The following DRC9 variants were observed in gnomAD, a reference collection of about 807,000 sequenced individuals.
DRC9 encodes the protein dynein regulatory complex protein 9.
chr3:197,896,995 T>C, the DRC9 span, among the ~76,000 whole-genome samples: 2 of 152,200 alleles, frequency 1.3e-5, no homozygotes, highest in South Asian at 4.1e-4. Flanking sequence ...AACCGAACCA[T>C]GTCAGATGGT....
At chr3:197,926,215 G>A in the DRC9 span, 2 of 660,996 alleles carry the variant, frequency 3.0e-6, no homozygotes, top group Non-Finnish European at 5.5e-6. Context: ...TTCCCCCAGA[G>A]AATCTGACTC....
At chr3:197,922,809 A>G in the DRC9 span, among the ~76,000 whole-genome samples, 1 of 151,896 alleles carries the variant, frequency 6.6e-6, no homozygotes, top group African/African-American at 2.4e-5. Context: ...CAAAAGATTC[A>G]TGACTTTTAA....
At chr3:197,894,802 G>A in the DRC9 span, among the ~76,000 whole-genome samples, 3 of 152,208 alleles carry the variant, frequency 2.0e-5, no homozygotes, top group Non-Finnish European at 4.4e-5. Flanking sequence ...GGTGGCTTGT[G>A]CCTGTAATCC....
chr3:197,932,370 C>T, the DRC9 span: 6 of 1,345,764 alleles, frequency 4.5e-6, no homozygotes, highest in Non-Finnish European at 4.2e-6. Flanking sequence ...CATGGTGGCT[C>T]ACCCCTGTAA....
At chr3:197,929,466 C>T in the DRC9 span, among the ~76,000 whole-genome samples, 1 of 152,084 alleles carries the variant, frequency 6.6e-6, no homozygotes, top group South Asian at 2.1e-4. This position sits in a 1 kb window ranked among gnomAD's most constrained non-coding sequence, Gnocchi z 4.6. Context: ...ACACAATTCC[C>T]CTAACATTAA....
the DRC9 span, chr3:197,906,800 G>A: frequency 6.6e-6 from 1 of 152,230 alleles, no homozygotes; most frequent in Non-Finnish European, 1.5e-5. Context: ...GGGGCCCTGG[G>A]GCTGTGAACT....
At chr3:197,904,053 CAT>C in the DRC9 span, among the ~76,000 whole-genome samples, 557 of 91,882 alleles carry the variant, frequency 6.1e-3, 2 homozygotes, top group Non-Finnish European at 8.9e-3. Flanking sequence ...TATATACATA[CAT>C]ATATATATAT....
the DRC9 span, among the ~76,000 whole-genome samples, chr3:197,926,706 C>T: frequency 6.6e-6 from 1 of 152,074 alleles, no homozygotes; most frequent in East Asian, 1.9e-4. Flanking sequence ...TGGCAGGAAT[C>T]ACATGGGATG....
At chr3:197,903,340 T>C in the DRC9 span, among the ~76,000 whole-genome samples, 3 of 152,154 alleles carry the variant, frequency 2.0e-5, no homozygotes, top group African/African-American at 4.8e-5. Flanking sequence ...AAATGGATCA[T>C]ATCAAGTTAA....
At chr3:197,950,004 C>A in the DRC9 span, 1 of 686,042 alleles carries the variant, frequency 1.5e-6, no homozygotes, top group Non-Finnish European at 2.0e-6. Flanking sequence ...CCAAGTAGTA[C>A]ATTTTGCAGC....
At chr3:197,889,376 G>A in the DRC9 span, 3 of 608,930 alleles carry the variant, frequency 4.9e-6, no homozygotes, top group East Asian at 8.2e-5. Context: ...CTAAGTCAAT[G>A]GTGTAATCCT....
chr3:197,891,475 C>T, the DRC9 span: 1 of 1,600,864 alleles, frequency 6.2e-7, no homozygotes, highest in Admixed American at 1.7e-5. Flanking sequence ...TCCAAGAGAT[C>T]CTGTTTTACC....
At chr3:197,950,937 C>T in the DRC9 span, 16 of 1,613,862 alleles carry the variant, frequency 9.9e-6, no homozygotes, top group Admixed American at 1.7e-5. Flanking sequence ...TGTTTTAAGG[C>T]CTGCTGGGAA....
At chr3:197,937,236 G>A in the DRC9 span, among the ~76,000 whole-genome samples, 63 of 152,084 alleles carry the variant, frequency 4.1e-4, no homozygotes, top group African/African-American at 1.4e-3. Context: ...ATTTGTCATC[G>A]AGCCAGCTGA....
At chr3:197,889,520 ACT>A in the DRC9 span, 2 of 1,599,076 alleles carry the variant, frequency 1.3e-6, 1 homozygote, top group Admixed American at 3.3e-5. Context: ...GTGTTTCTTA[ACT>A]CTCTCCAAGT....
At chr3:197,898,347 G>A in the DRC9 span, among the ~76,000 whole-genome samples, 2 of 152,134 alleles carry the variant, frequency 1.3e-5, no homozygotes, top group African/African-American at 4.8e-5. Flanking sequence ...ATAGTACTCA[G>A]AAAATATATT....
the DRC9 span, among the ~76,000 whole-genome samples, chr3:197,908,400 T>C: frequency 7.6e-6 from 1 of 132,050 alleles, no homozygotes; most frequent in African/African-American, 3.0e-5. Flanking sequence ...TTCCCAGGCA[T>C]CCTCCCAGAT....
the DRC9 span, among the ~76,000 whole-genome samples, chr3:197,928,080 C>A: frequency 6.6e-6 from 1 of 152,124 alleles, no homozygotes; most frequent in African/African-American, 2.4e-5. Context: ...ACGTTTTGCA[C>A]ACGTGCCCTA....
the DRC9 span, among the ~76,000 whole-genome samples, chr3:197,924,634 C>T: frequency 6.6e-6 from 1 of 152,152 alleles, no homozygotes. Flanking sequence ...ATTCTCCTGC[C>T]TCAGCCTCCT....
Sources: allele counts gnomAD v4.1 joint callset (sites outside exome capture counted in the v4.1 genomes callset), GRCh38; gene constraint gnomAD v4.1.1; non-coding constraint Gnocchi (gnomAD v3.1); transcripts MANE v1.5; gene names NCBI Gene and HGNC (gene_info 2026-07-23, HGNC 2026-07-21).